The following HTR7 variants were observed in gnomAD, a reference collection of about 807,000 sequenced individuals.
HTR7 encodes 5-HT-7.
HTR7 carries 16 observed loss-of-function variants against 34.0 expected under a neutral mutation model. The ratio of observed to expected loss-of-function variants is 0.47; its 90% confidence interval spans 0.32 to 0.71. The LOEUF is 0.71. Ranked by LOEUF, HTR7 falls within the 30% of genes least tolerant of loss-of-function variation. The pLI, the probability that HTR7 is intolerant of heterozygous loss-of-function variation, is 0.04. For synonymous variants in HTR7, 265 were observed against 260.2 expected (o/e 1.02, Z -0.18); for missense variants, 504 against 625.5 (o/e 0.81, Z 2.07).
At chr10:90,752,400 T>A (rs1844752555) in intron 1 of HTR7, among the ~76,000 whole-genome samples, 1 of 152,140 alleles carries the variant, frequency 6.6e-6, no homozygotes, top group Non-Finnish European at 1.5e-5. Context: ...GTACATTTTT[T>A]AAAATACTTA....
chr10:90,830,950 G>C (rs1429484984), intron 1 of HTR7, among the ~76,000 whole-genome samples: 1 of 152,220 alleles, frequency 6.6e-6, no homozygotes, highest in Non-Finnish European at 1.5e-5. Context: ...CAAGAGGTCA[G>C]TCCGGTGCAC....
chr10:90,831,367 G>A (rs1474970904), intron 1 of HTR7, among the ~76,000 whole-genome samples: 1 of 151,816 alleles, frequency 6.6e-6, no homozygotes, highest in Non-Finnish European at 1.5e-5. Flanking sequence ...TTGGCGGTGA[G>A]TGTTACAGCT....
At chr10:90,743,296 G>A (rs752155461) in intron 3 of HTR7, among the ~76,000 whole-genome samples, 4 of 152,164 alleles carry the variant, frequency 2.6e-5, no homozygotes, top group Non-Finnish European at 5.9e-5. Flanking sequence ...ATCAATAGAT[G>A]GATTTTGCTG....
intron 2 of HTR7, chr10:90,744,080 G>GTC (rs971219669): frequency 5.4e-6 from 2 of 368,718 alleles, no homozygotes; most frequent in African/African-American, 4.3e-5. Flanking sequence ...AGGCGAAAAG[G>GTC]TAAGAGAGAC....
At chr10:90,777,298 T>C (rs111592854) in intron 1 of HTR7, among the ~76,000 whole-genome samples, 3,763 of 151,846 alleles carry the variant, frequency 0.025, 155 homozygotes, top group African/African-American at 0.082. Context: ...CTGACCAACA[T>C]GGTGAAACCC....
chr10:90,802,996 C>CT (rs35715510), intron 1 of HTR7, among the ~76,000 whole-genome samples: 23,858 of 88,932 alleles, frequency 0.27, 3,498 homozygotes, highest in Non-Finnish European at 0.34. Context: ...CATTTGTGGC[C>CT]TTTTTTTTTT....
At chr10:90,837,180 C>G (rs1846266504) in intron 1 of HTR7, among the ~76,000 whole-genome samples, 1 of 152,178 alleles carries the variant, frequency 6.6e-6, no homozygotes, top group African/African-American at 2.4e-5. Flanking sequence ...CAGACGTGGT[C>G]TTGAGCCTAA....
intron 1 of HTR7, among the ~76,000 whole-genome samples, chr10:90,787,989 G>A (rs750463924): frequency 4.6e-5 from 7 of 151,916 alleles, no homozygotes; most frequent in African/African-American, 7.3e-5. Context: ...CCCCTGTAGG[G>A]TCCGGTTCGT....
At chr10:90,811,596 T>C (rs1845810485) in intron 1 of HTR7, among the ~76,000 whole-genome samples, 1 of 152,082 alleles carries the variant, frequency 6.6e-6, no homozygotes, top group South Asian at 2.1e-4. Context: ...TCCTTTCCAT[T>C]GTGGAAATCT....
chr10:90,838,077 C>A (rs1238109198), intron 1 of HTR7, among the ~76,000 whole-genome samples: 1 of 152,130 alleles, frequency 6.6e-6, no homozygotes, highest in Non-Finnish European at 1.5e-5. Flanking sequence ...CTGCTCTCTC[C>A]CACACCATTG....
chr10:90,785,131 T>C (rs1219524879), intron 1 of HTR7, among the ~76,000 whole-genome samples: 2 of 152,210 alleles, frequency 1.3e-5, no homozygotes, highest in African/African-American at 2.4e-5. Flanking sequence ...TTCCCAGTAA[T>C]ATAAGACGCA....
chr10:90,831,174 G>A (rs1386221031), intron 1 of HTR7, among the ~76,000 whole-genome samples: 3 of 152,218 alleles, frequency 2.0e-5, no homozygotes, highest in Non-Finnish European at 4.4e-5. Context: ...TAGTGTGTCC[G>A]GAATTGGTAG....
In HTR7 at chr10:90,857,406, GT is replaced by G; in HGVS notation, c.265del (p.Thr89ArgfsTer6). Reference protein sequence around the residue: ...VEKVVIGSILTLITLLTIAGN... With the variant: ...VEKVVIGSILXLITLLTIAGN... ...CGCGATCGTCAGCAGCGTGATGAGC[GT>G]CAGGATGGAGCCGATCACAACTTTC... On this transcript the variant is annotated frameshift_variant, in exon 1 of 4. Transcript: ENST00000336152. LOFTEE classifies it high-confidence loss of function. The surrounding 1 kb of genome is among the most constrained non-coding windows in gnomAD (Gnocchi z 6.5). 6.2e-7 allele frequency: 1 copy of G among 1,614,072 alleles called. No homozygotes were observed. The highest frequency in any genetic ancestry group is 8.5e-7 in the Non-Finnish European group (1 of 1,180,022).
chr10:90,775,700 T>TATA (rs1845195502), intron 1 of HTR7, among the ~76,000 whole-genome samples: 1 of 152,208 alleles, frequency 6.6e-6, no homozygotes, highest in African/African-American at 2.4e-5. Flanking sequence ...TAACAGACTC[T>TATA]ATAGAGACAA....
intron 2 of HTR7, among the ~76,000 whole-genome samples, chr10:90,745,329 G>A (rs778826997): frequency 6.6e-6 from 1 of 152,140 alleles, no homozygotes; most frequent in Non-Finnish European, 1.5e-5. Flanking sequence ...CATGGTAGAA[G>A]GTATGAACAA....
At chr10:90,754,679 T>C (rs1044444377) in intron 1 of HTR7, among the ~76,000 whole-genome samples, 14 of 152,196 alleles carry the variant, frequency 9.2e-5, no homozygotes, top group African/African-American at 2.9e-4. Flanking sequence ...ATAATCTGCA[T>C]AGAGAGGGAT....
intron 1 of HTR7, among the ~76,000 whole-genome samples, chr10:90,775,790 T>C (rs1277132595): frequency 6.6e-6 from 1 of 152,176 alleles, no homozygotes; most frequent in Non-Finnish European, 1.5e-5. Context: ...GAACAGTGCT[T>C]TCTATTCACT....
In HTR7 at chr10:90,742,093, A is replaced by G. The variant is rs184207851; in HGVS notation, c.*389T>C. 6.8e-5 allele frequency: 11 copies of G among 161,818 alleles called. No homozygotes were observed. Among genetic ancestry groups the G allele is most frequent in the Non-Finnish European group, 1.2e-4 (9 of 74,298 alleles). The allele number at this position is 161,818 out of a possible 1,614,324, so 10.0% of individuals were successfully genotyped here. The stretch of plus-strand genomic sequence containing the variant: ...CATACAACAAAATACATTCTGTCTC[A>G]TGAATGATTCCTGCATATTCACCAC... On this transcript the variant is annotated 3_prime_UTR_variant, in exon 4 of 4. Transcript: ENST00000336152.
At chr10:90,844,832 A>ATACTGATG (rs1303431552) in intron 1 of HTR7, among the ~76,000 whole-genome samples, 4 of 150,460 alleles carry the variant, frequency 2.7e-5, no homozygotes, top group African/African-American at 9.8e-5. Flanking sequence ...ATTTTCAAAT[A>ATACTGATG]TACTGATGTG....
Sources: allele counts gnomAD v4.1 joint callset (sites outside exome capture counted in the v4.1 genomes callset), GRCh38; gene constraint gnomAD v4.1.1; non-coding constraint Gnocchi (gnomAD v3.1); transcripts MANE v1.5; gene names NCBI Gene and HGNC (gene_info 2026-07-23, HGNC 2026-07-21).